CACNA2D1: variants seen among roughly 807,000 people sequenced by gnomAD.
CACNA2D1 encodes calcium voltage-gated channel auxiliary subunit alpha2delta 1, also known as voltage-dependent calcium channel subunit alpha-2/delta-1.
Under a neutral mutation model 171.5 loss-of-function variants are expected in CACNA2D1, and 53 were observed. The observed-to-expected ratio is 0.31, with a 90% CI of 0.25 to 0.39. The LOEUF is 0.39. Among genes scored for constraint, CACNA2D1 ranks in the 10% least tolerant of loss-of-function variants. CACNA2D1 has a pLI of 1.00. For missense variants in CACNA2D1, 903 were observed against 1,299.8 expected, an observed-to-expected ratio of 0.69 and a Z score of 4.69; for synonymous variants, 442 against 443.1, an observed-to-expected ratio of 1.00 and a Z score of 0.03.
At chr7:82,084,218 T>C (rs1427590673) in intron 7 of CACNA2D1, among the ~76,000 whole-genome samples, 1 of 152,192 alleles carries the variant, frequency 6.6e-6, no homozygotes, top group Non-Finnish European at 1.5e-5. Context: ...ACATAAAATA[T>C]ATTCATCTTC....
chr7:82,103,240 GAGGTTGCAGTGAGCTACTGC>G (rs1413718074), intron 6 of CACNA2D1, among the ~76,000 whole-genome samples: 2 of 152,158 alleles, frequency 1.3e-5, no homozygotes, highest in Non-Finnish European at 2.9e-5. Context: ...CCAGGAGGTG[GAGGTTGCAGTGAGCTACTGC>G]ACTCCAGCCT....
At chr7:82,103,909 T>G (rs904310111) in intron 6 of CACNA2D1, among the ~76,000 whole-genome samples, 1 of 151,646 alleles carries the variant, frequency 6.6e-6, no homozygotes, top group African/African-American at 2.4e-5. Context: ...TAAAAGATTA[T>G]AAACAAAAAA....
chr7:82,273,607 C>G (rs1808923685), intron 3 of CACNA2D1, among the ~76,000 whole-genome samples: 1 of 152,148 alleles, frequency 6.6e-6, no homozygotes, highest in African/African-American at 2.4e-5. Flanking sequence ...CCTGCTTCAG[C>G]TACCCAAGTA....
At chr7:82,272,485 G>A (rs1004201364) in intron 3 of CACNA2D1, among the ~76,000 whole-genome samples, 3 of 152,134 alleles carry the variant, frequency 2.0e-5, no homozygotes, top group East Asian at 3.9e-4. Flanking sequence ...AGCACGCAAC[G>A]TAAGAAACTA....
At chr7:82,284,760 G>C (rs1024641871) in intron 3 of CACNA2D1, among the ~76,000 whole-genome samples, 2 of 152,096 alleles carry the variant, frequency 1.3e-5, no homozygotes, top group African/African-American at 4.8e-5. Flanking sequence ...ATCACCTTGA[G>C]GGTTAAGTTC....
At chr7:82,128,222 G>A (rs920692762) in intron 5 of CACNA2D1, among the ~76,000 whole-genome samples, 1 of 151,858 alleles carries the variant, frequency 6.6e-6, no homozygotes. Context: ...GCACCACAAC[G>A]CCTGGCCGCT....
chr7:82,428,716 A>G (rs1290270459), intron 1 of CACNA2D1, among the ~76,000 whole-genome samples: 8 of 152,328 alleles, frequency 5.3e-5, no homozygotes, highest in Admixed American at 3.9e-4. Context: ...CATTTCCCCT[A>G]AAAGGTCCGG....
chr7:82,182,561 CGT>C (rs1797237873), intron 3 of CACNA2D1, among the ~76,000 whole-genome samples: 1 of 147,478 alleles, frequency 6.8e-6, no homozygotes. Context: ...CTTTTTTCTG[CGT>C]TTTTTTTTTA....
intron 9 of CACNA2D1, among the ~76,000 whole-genome samples, chr7:82,062,653 G>A (rs745645391): frequency 1.0e-4 from 14 of 137,780 alleles, no homozygotes; most frequent in Non-Finnish European, 2.1e-4. Context: ...CAACGTGCAG[G>A]TTTGTTACAT....
chr7:82,087,285 C>A lies in CACNA2D1; in HGVS notation c.527-2385G>T, dbSNP rs564163772. On this transcript the variant is annotated intron_variant, in intron 6 of 38. Coordinates refer to ENST00000356860, the MANE Select transcript of CACNA2D1 (RefSeq NM_000722.4). ...AGTCTTTTTATGGATGTCTAGAAAT[C>A]AAAATTCAAAGACGATCTGCCATAG... Among the ~76,000 whole-genome samples the A allele has an allele frequency of 3.3e-5, 5 of 152,136 alleles. No homozygotes were observed. In the East Asian group the frequency reaches 9.7e-4, roughly 29 times the overall value.
intron 3 of CACNA2D1, among the ~76,000 whole-genome samples, chr7:82,212,632 G>A (rs1013383055): frequency 1.7e-4 from 26 of 152,168 alleles, no homozygotes; most frequent in African/African-American, 6.0e-4. Context: ...TGCATTTTAT[G>A]TCATTTGAGC....
At chr7:82,397,320 A>G (rs1164578613) in intron 1 of CACNA2D1, among the ~76,000 whole-genome samples, 1 of 152,136 alleles carries the variant, frequency 6.6e-6, no homozygotes, top group Non-Finnish European at 1.5e-5. Flanking sequence ...TCTTATATGA[A>G]TCTAAAAATA....
chr7:82,349,371 G>A (rs1585604068), intron 2 of CACNA2D1, among the ~76,000 whole-genome samples, 197 bp downstream of exon 2: 1 of 152,142 alleles, frequency 6.6e-6, no homozygotes. Flanking sequence ...TGCTGAGAAA[G>A]TTTCCTTAAT....
intron 34 of CACNA2D1, 125 bp from the exon 35 acceptor site, chr7:81,962,620 TTAAG>T (rs1794278117): frequency 2.9e-6 from 2 of 680,162 alleles, no homozygotes; most frequent in Middle Eastern, 8.1e-4. Context: ...GTGTTTTTAT[TTAAG>T]TATTTTCAAA....
chr7:82,262,605 A>C (rs750353135), intron 3 of CACNA2D1, among the ~76,000 whole-genome samples: 1 of 152,144 alleles, frequency 6.6e-6, no homozygotes, highest in Non-Finnish European at 1.5e-5. Context: ...ATGATACCCC[A>C]AAGTATGATG....
At chr7:82,162,043 T>C (rs1479239277) in intron 4 of CACNA2D1, among the ~76,000 whole-genome samples, 1 of 152,034 alleles carries the variant, frequency 6.6e-6, no homozygotes, top group Admixed American at 6.6e-5. Flanking sequence ...CAGTAAGTGG[T>C]GCACTAAAAT....
chr7:82,425,539 A>T (rs1474185466), intron 1 of CACNA2D1, among the ~76,000 whole-genome samples: 1 of 141,874 alleles, frequency 7.0e-6, no homozygotes, highest in Admixed American at 7.2e-5. Flanking sequence ...CATGAGATTC[A>T]ATTTTTTTTT....
intron 10 of CACNA2D1, among the ~76,000 whole-genome samples, chr7:82,046,387 GTGCTGTTCCCAACAGTGGC>G (rs1804561542): frequency 6.6e-6 from 1 of 152,128 alleles, no homozygotes; most frequent in African/African-American, 2.4e-5. Flanking sequence ...CAAGTTGACG[GTGCTGTTCCCAACAGTGGC>G]TGCTGGTTTG....
intron 12 of CACNA2D1, chr7:82,029,320 A>C (rs2131114339): frequency 6.6e-6 from 1 of 151,942 alleles, no homozygotes; most frequent in Middle Eastern, 3.4e-3. Flanking sequence ...CACACAATTA[A>C]GAGACTACAG....
Sources: gnomAD v4.1 joint callset for allele counts (sites outside exome capture counted in the v4.1 genomes callset) on GRCh38, gnomAD v4.1.1 for gene constraint, MANE v1.5 for transcripts, NCBI Gene and HGNC (gene_info 2026-07-23, HGNC 2026-07-21) for gene names.